The following IQCE variants were observed in gnomAD, a reference collection of about 807,000 sequenced individuals.
IQCE encodes IQ domain-containing protein E.
In IQCE, 115 loss-of-function variants were observed where a neutral mutation model predicts 96.0. That is an observed-to-expected ratio of 1.20 (90% confidence interval 1.03 to 1.40). IQCE has a LOEUF of 1.40. Ranked by LOEUF, IQCE falls within the 40% of genes most tolerant of loss-of-function variation. The pLI is 0.00. For missense variants in IQCE, 1,041 were observed against 909.1 expected, an observed-to-expected ratio of 1.15 and a Z score of -1.87; for synonymous variants, 412 against 371.2, an observed-to-expected ratio of 1.11 and a Z score of -1.26.
chr7:2,607,453 C>T (rs1784920888), intron 21 of IQCE: 1 of 1,318,368 alleles, frequency 7.6e-7, no homozygotes, highest in Non-Finnish European at 9.6e-7. Flanking sequence ...GAGGTCCTTG[C>T]TGTCTTTATT....
At position 2,588,064 on chromosome 7, in the gene IQCE, G is replaced by A. The variant is rs910230647; in HGVS notation, c.1044+187G>A. On this transcript the variant is annotated intron_variant, in intron 13 of 21. Transcript: ENST00000402050. The stretch of plus-strand genomic sequence containing the variant: ...GCTGAAGGCAGCTCTCATGCCCCTC[G>A]CTGGGCTGTGAGCTTCTGTGCGTGG... Among the ~76,000 whole-genome samples the A allele has an allele frequency of 2.6e-5, 4 of 152,212 alleles. No individual in the cohort carries two copies. In the East Asian group the frequency reaches 7.7e-4, roughly 29 times the overall value.
chr7:2,584,321 T>C (rs1194362094), intron 11 of IQCE, 36 bp downstream of exon 11: 1 of 1,601,488 alleles, frequency 6.2e-7, no homozygotes, highest in African/African-American at 1.3e-5. Context: ...TTTTGTGTGT[T>C]GCCTTCACGT....
chr7:2,562,285 C>CATATATATATATAT (rs59044593), intron 1 of IQCE, among the ~76,000 whole-genome samples: 1,712 of 146,210 alleles, frequency 0.012, 25 homozygotes, highest in African/African-American at 0.036. Flanking sequence ...AATTAGGGTA[C>CATATATATATATAT]ATATATATAT....
intron 2 of IQCE, 67 bp downstream of exon 2, chr7:2,567,230 G>C: frequency 1.6e-6 from 2 of 1,271,922 alleles, no homozygotes; most frequent in Admixed American, 1.7e-5. Flanking sequence ...GACTGCACTC[G>C]GAAGCGTAAA....
intron 13 of IQCE, among the ~76,000 whole-genome samples, chr7:2,589,672 G>A (rs1783423044): frequency 6.6e-6 from 1 of 152,126 alleles, no homozygotes; most frequent in African/African-American, 2.4e-5. Context: ...CCTGCGCCCT[G>A]GCTTGGCGGG....
chr7:2,605,733 C>T (rs1206571923), intron 19 of IQCE, 143 bp from the exon 20 acceptor site: 4 of 730,900 alleles, frequency 5.5e-6, no homozygotes, highest in African/African-American at 1.8e-5. Flanking sequence ...CACTGACCAG[C>T]AATTCCCGGG....
At position 2,567,123 on chromosome 7, in the gene IQCE, A is replaced by G; in HGVS notation, c.44A>G (p.Asp15Gly). 3.1e-6 allele frequency: 5 copies of G among 1,613,864 alleles called. No individual in the cohort carries two copies. The highest frequency in any genetic ancestry group is 3.4e-6 in the Non-Finnish European group (4 of 1,179,844). Residue 15 changes from aspartate to glycine, a missense_variant, in exon 2 of 22, where the codon GAC becomes GGC. Transcript: ENST00000402050. ...TTGCCTCTCTTCCTCCAGGGAGATG[A>G]CAGTCTGTCTGCAGTCACCTTTGAC... ...TGEPALDTGD[D>G]SLSAVTFDSD...
intron 14 of IQCE, among the ~76,000 whole-genome samples, chr7:2,592,348 T>C (rs1264948490): frequency 6.6e-6 from 1 of 152,206 alleles, no homozygotes; most frequent in East Asian, 1.9e-4. Context: ...AGGTAGTCAT[T>C]ATGAAAGGTA....
chr7:2,572,538 G>A (rs1462833613), intron 5 of IQCE, among the ~76,000 whole-genome samples: 1 of 152,222 alleles, frequency 6.6e-6, no homozygotes, highest in African/African-American at 2.4e-5. Flanking sequence ...CCTCGTGGGT[G>A]CAGGGATATC....
At chr7:2,572,438 AG>A in intron 5 of IQCE, 112 bp downstream of exon 5, 1 of 1,206,170 alleles carries the variant, frequency 8.3e-7, no homozygotes, top group Non-Finnish European at 1.1e-6. Flanking sequence ...TTCGTGCATG[AG>A]CTCCGTCACT....
At chr7:2,561,543 C>G (rs1562613235) in intron 1 of IQCE, among the ~76,000 whole-genome samples, 1 of 152,004 alleles carries the variant, frequency 6.6e-6, no homozygotes, top group East Asian at 1.9e-4. Context: ...GCCTCAGCCT[C>G]CCGAGTAGCT....
chr7:2,573,772 C>T (rs906077228), intron 6 of IQCE, among the ~76,000 whole-genome samples: 7 of 152,160 alleles, frequency 4.6e-5, no homozygotes, highest in South Asian at 2.1e-4. Context: ...GCTTCAGAGT[C>T]GCCTTGCGTC....
At chr7:2,590,884 G>A (rs547521447) in intron 14 of IQCE, among the ~76,000 whole-genome samples, 4 of 152,250 alleles carry the variant, frequency 2.6e-5, no homozygotes, top group East Asian at 1.9e-4. Flanking sequence ...AAATCAATTC[G>A]ATTTTATGCA....
At chr7:2,592,165 C>T (rs1783649683) in intron 14 of IQCE, among the ~76,000 whole-genome samples, 1 of 152,246 alleles carries the variant, frequency 6.6e-6, no homozygotes, top group Non-Finnish European at 1.5e-5. Flanking sequence ...TCTCTGCTGC[C>T]TGCTGTGAAC....
chr7:2,574,985 A>G (rs1369463618), intron 6 of IQCE, among the ~76,000 whole-genome samples: 1 of 152,058 alleles, frequency 6.6e-6, no homozygotes, highest in Non-Finnish European at 1.5e-5. Flanking sequence ...ACTTGTTTCA[A>G]GCGTGCCTGT....
rs780670313 is a variant in IQCE, at chr7:2,605,920, G to A, written c.1788G>A (p.Thr596=). 1.9e-5 allele frequency: 30 copies of A among 1,609,856 alleles called. No individual in the cohort carries two copies. The highest frequency in any genetic ancestry group is 2.4e-5 in the Non-Finnish European group (28 of 1,178,820). Residue 596 remains threonine (T), a synonymous_variant, in exon 20 of 22, where the codon ACG becomes ACA. Coordinates refer to ENST00000402050, the MANE Select transcript of IQCE (RefSeq NM_152558.5). ...TTCCGAGCCCCATCGCCCAGGCCAC[G>A]GGCAGCCCTGTGCAGGAGGAGGCCA... ...PRVPSPIAQA[T]GSPVQEEAIV...
chr7:2,588,508 C>T (rs1307158761), intron 13 of IQCE, among the ~76,000 whole-genome samples: 3 of 151,772 alleles, frequency 2.0e-5, no homozygotes, highest in African/African-American at 7.3e-5. Context: ...TGCCCACCAC[C>T]ACACCCGGGT....
chr7:2,601,744 T>G, intron 18 of IQCE: 1 of 377,562 alleles, frequency 2.6e-6, no homozygotes, highest in Non-Finnish European at 4.9e-6. Context: ...GAGACGGGGT[T>G]TCTCCGTGTT....
At chr7:2,573,913 C>T (rs781539056) in intron 6 of IQCE, among the ~76,000 whole-genome samples, 10 of 152,144 alleles carry the variant, frequency 6.6e-5, no homozygotes, top group Non-Finnish European at 1.2e-4. Flanking sequence ...GTGGGACGGG[C>T]AGAACCACTT....
Sources: allele counts gnomAD v4.1 joint callset (sites outside exome capture counted in the v4.1 genomes callset), GRCh38; gene constraint gnomAD v4.1.1; transcripts MANE v1.5; gene names NCBI Gene and HGNC (gene_info 2026-07-23, HGNC 2026-07-21).